Variants in DLGAP1 observed in about 807,000 individuals in gnomAD.
DLGAP1 encodes disks large-associated protein 1.
Under a neutral mutation model 90.8 loss-of-function variants are expected in DLGAP1, and 11 were observed. The observed-to-expected ratio is 0.12, with a 90% CI of 0.08 to 0.20. The LOEUF is 0.20. DLGAP1 is among the 10% of genes least tolerant of loss of function. DLGAP1 has a pLI of 1.00. For missense variants in DLGAP1, 1,050 were observed against 1,333.8 expected (o/e 0.79, Z 3.31); for synonymous variants, 558 against 540.7 (o/e 1.03, Z -0.44).
intron 7 of DLGAP1, among the ~76,000 whole-genome samples, chr18:3,681,809 T>A (rs1159616056): frequency 6.6e-6 from 1 of 151,994 alleles, no homozygotes; most frequent in Non-Finnish European, 1.5e-5. Context: ...TGATAGTGAG[T>A]GAATTCGTGT....
intron 3 of DLGAP1, among the ~76,000 whole-genome samples, chr18:3,956,640 G>A (rs937999571): frequency 5.3e-5 from 8 of 150,832 alleles, no homozygotes; most frequent in African/African-American, 7.3e-5. Flanking sequence ...GAACCACCAC[G>A]CCCGGCCTAT....
intron 9 of DLGAP1, among the ~76,000 whole-genome samples, chr18:3,535,072 C>CTG (rs111975324): frequency 0.096 from 13,842 of 144,566 alleles, 661 homozygotes; most frequent in African/African-American, 0.16. Flanking sequence ...TCAATCTTCT[C>CTG]TGTGTGTGTG....
intron 10 of DLGAP1, among the ~76,000 whole-genome samples, chr18:3,512,191 G>A (rs889552367): frequency 4.6e-5 from 7 of 152,068 alleles, no homozygotes; most frequent in African/African-American, 7.2e-5. Flanking sequence ...CAGGCAAGCC[G>A]TTTAACCATG....
intron 7 of DLGAP1, among the ~76,000 whole-genome samples, chr18:3,588,843 T>G (rs767099831): frequency 6.0e-4 from 91 of 152,014 alleles, no homozygotes; most frequent in Non-Finnish European, 8.8e-4. Context: ...TCCTATCATT[T>G]CAGCTTCGAG....
intron 1 of DLGAP1, among the ~76,000 whole-genome samples, chr18:4,179,154 G>A (rs1050325550): frequency 7.2e-5 from 11 of 152,086 alleles, no homozygotes; most frequent in Non-Finnish European, 1.6e-4. Flanking sequence ...AAAGAAATAC[G>A]GTTTTTATTT....
intron 7 of DLGAP1, among the ~76,000 whole-genome samples, chr18:3,666,979 G>A (rs2059906956): frequency 6.6e-6 from 1 of 151,992 alleles, no homozygotes; most frequent in African/African-American, 2.4e-5. Flanking sequence ...TCACTGTGTT[G>A]TCCAGGCTGG....
rs572341904 is a variant in DLGAP1, at chr18:3,737,276, C to T, written c.1350+5059G>A. 2.6e-5 allele frequency among the ~76,000 whole-genome samples: 4 copies of T among 152,318 alleles called. No homozygotes were observed. In the South Asian group the frequency reaches 8.3e-4, roughly 32 times the overall value. On this transcript the variant is annotated intron_variant, in intron 6 of 12. Coordinates refer to ENST00000315677, the MANE Select transcript of DLGAP1 (RefSeq NM_004746.4). ...ATCCTCCCTAACTCATTTGATGAGG[C>T]CAGCATCATTCTGATACCAAAGCCT...
At chr18:3,508,733 G>C in intron 10 of DLGAP1, 72 bp from the exon 11 acceptor site, 1 of 1,279,994 alleles carries the variant, frequency 7.8e-7, no homozygotes, top group Non-Finnish European at 1.1e-6. Flanking sequence ...GTAAAGCAAA[G>C]AGGAAGTTAT....
chr18:3,922,035 A>T (rs992041173), intron 3 of DLGAP1, among the ~76,000 whole-genome samples: 11 of 152,102 alleles, frequency 7.2e-5, no homozygotes, highest in African/African-American at 2.7e-4. Context: ...AAGAGGCAGA[A>T]GGGCTCCTGC....
At chr18:4,437,976 T>C (rs72866384) in intron 1 of DLGAP1, among the ~76,000 whole-genome samples, 2,444 of 152,230 alleles carry the variant, frequency 0.016, 73 homozygotes, top group African/African-American at 0.056. Flanking sequence ...CCACTTAATA[T>C]AGTTGGAGGT....
chr18:3,706,984 G>T (rs1231237520), intron 7 of DLGAP1, among the ~76,000 whole-genome samples: 1 of 152,178 alleles, frequency 6.6e-6, no homozygotes, highest in Non-Finnish European at 1.5e-5. Context: ...GAGAAGAACT[G>T]AGTTCAGCAA....
chr18:3,588,489 A>AGAC (rs2056029903), intron 7 of DLGAP1, among the ~76,000 whole-genome samples: 1 of 151,446 alleles, frequency 6.6e-6, no homozygotes, highest in Non-Finnish European at 1.5e-5. Flanking sequence ...TTTTTAAGAA[A>AGAC]GACATTATAC....
intron 4 of DLGAP1, among the ~76,000 whole-genome samples, chr18:3,877,862 C>T (rs2071043100): frequency 6.6e-6 from 1 of 152,226 alleles, no homozygotes; most frequent in African/African-American, 2.4e-5. Flanking sequence ...TTAGGCAACA[C>T]CAGCTTCAGT....
intron 5 of DLGAP1, among the ~76,000 whole-genome samples, chr18:3,798,239 G>A (rs753665190): frequency 5.3e-5 from 8 of 152,164 alleles, no homozygotes; most frequent in Non-Finnish European, 8.8e-5. Context: ...CCAGTGAAAC[G>A]CTTCCAACAG....
At chr18:4,224,087 C>A (rs998312752) in intron 1 of DLGAP1, among the ~76,000 whole-genome samples, 1 of 152,124 alleles carries the variant, frequency 6.6e-6, no homozygotes, top group Non-Finnish European at 1.5e-5. Flanking sequence ...AAAACCTGGG[C>A]CAGAAGGGAA....
Position 4,445,628 on chromosome 18 carries a change from G to A in DLGAP1, c.-267+9378C>T, listed in dbSNP as rs900049172. ...CATGCCAATCATCAAGAAAGCAGCT[G>A]CTACCCCTTGAAAAGTCACTCTACT... On this transcript the variant is annotated intron_variant, in intron 1 of 12. Coordinates refer to ENST00000315677, the MANE Select transcript of DLGAP1 (RefSeq NM_004746.4). 2.0e-5 allele frequency among the ~76,000 whole-genome samples: 3 copies of A among 151,890 alleles called. No individual in the cohort carries two copies. In the East Asian group the frequency reaches 5.8e-4, roughly 29 times the overall value.
chr18:3,732,705 A>C (rs946783699), intron 6 of DLGAP1, among the ~76,000 whole-genome samples: 8 of 152,126 alleles, frequency 5.3e-5, no homozygotes, highest in Admixed American at 5.2e-4. Context: ...TTTGACATGA[A>C]AGTAGTAATC....
Position 3,814,028 on chromosome 18 carries a change from C to T in DLGAP1, c.1172+31G>A, listed in dbSNP as rs370498907. On this transcript the variant is annotated intron_variant, in intron 5 of 12. Transcript: ENST00000315677. ...CTCGGTGATAATACAAGCACCTGGA[C>T]TATCGCAAGTGCAGGGTTAGGACTA... 9.2e-5 allele frequency: 148 copies of T among 1,603,302 alleles called. No individual in the cohort carries two copies. The African/African-American group carries it at 1.6e-3, about 18-fold the overall frequency.
At chr18:3,859,916 T>C (rs1418734308) in intron 4 of DLGAP1, among the ~76,000 whole-genome samples, 1 of 151,930 alleles carries the variant, frequency 6.6e-6, no homozygotes, top group Non-Finnish European at 1.5e-5. Flanking sequence ...CTGGCTAACA[T>C]GGTGAAACCC....
Sources: allele counts gnomAD v4.1 joint callset (sites outside exome capture counted in the v4.1 genomes callset), GRCh38; gene constraint gnomAD v4.1.1; transcripts MANE v1.5; gene names NCBI Gene and HGNC (gene_info 2026-07-23, HGNC 2026-07-21).